Variants in RASEF observed in about 807,000 individuals in gnomAD.
The protein encoded by RASEF is ras and EF-hand domain-containing protein.
Under a neutral mutation model 90.1 loss-of-function variants are expected in RASEF, and 68 were observed. That is an observed-to-expected ratio of 0.75 (90% CI 0.62 to 0.92). The LOEUF (loss-of-function observed/expected upper bound fraction) is 0.92. Among genes scored for constraint, RASEF ranks in the 40% least tolerant of loss-of-function variants. The pLI is 0.00. For synonymous variants in RASEF, 331 were observed against 345.2 expected (o/e 0.96, Z 0.46); for missense variants, 949 against 937.2 (o/e 1.01, Z -0.16).
intron 4 of RASEF, among the ~76,000 whole-genome samples, 168 bp from the exon 5 acceptor site, chr9:83,012,679 A>G (rs1004742170): frequency 6.6e-6 from 1 of 152,214 alleles, no homozygotes; most frequent in African/African-American, 2.4e-5. Context: ...AGGATTTGAA[A>G]TTTTGTTCTA....
the RASEF span, among the ~76,000 whole-genome samples, chr9:83,081,096 G>T: frequency 6.6e-6 from 1 of 152,160 alleles, no homozygotes; most frequent in South Asian, 2.1e-4. Flanking sequence ...TCCTCAGGCA[G>T]GTGCTATCAT....
At chr9:83,156,672 C>A in the RASEF span, among the ~76,000 whole-genome samples, 1 of 152,220 alleles carries the variant, frequency 6.6e-6, no homozygotes, top group Admixed American at 6.5e-5. Context: ...AATCATCCAT[C>A]CCAGTTTATC....
the RASEF span, among the ~76,000 whole-genome samples, chr9:83,104,907 G>A: frequency 6.6e-6 from 1 of 152,196 alleles, no homozygotes; most frequent in Non-Finnish European, 1.5e-5. Context: ...CAGGGCCAGT[G>A]TGCTTTAAAC....
the RASEF span, chr9:83,201,336 G>A: frequency 4.6e-5 from 7 of 152,178 alleles, no homozygotes; most frequent in Non-Finnish European, 8.8e-5. Context: ...TTAGCAGTGG[G>A]GAAAGCATAT....
the RASEF span, among the ~76,000 whole-genome samples, chr9:83,124,718 A>G: frequency 6.6e-6 from 1 of 152,142 alleles, no homozygotes; most frequent in African/African-American, 2.4e-5. Flanking sequence ...AGAGAAACAA[A>G]CTCAATGATT....
chr9:83,189,247 T>C, the RASEF span, among the ~76,000 whole-genome samples: 1 of 152,196 alleles, frequency 6.6e-6, no homozygotes, highest in Non-Finnish European at 1.5e-5. Flanking sequence ...CTTTCCCCAC[T>C]TTTGCTCGGC....
the RASEF span, among the ~76,000 whole-genome samples, chr9:83,124,311 C>A: frequency 2.0e-5 from 3 of 152,240 alleles, no homozygotes; most frequent in Admixed American, 6.5e-5. Flanking sequence ...GGGTATTACA[C>A]CCAGAAGTAG....
At chr9:83,177,125 G>A in the RASEF span, among the ~76,000 whole-genome samples, 1 of 152,120 alleles carries the variant, frequency 6.6e-6, no homozygotes, top group African/African-American at 2.4e-5. Flanking sequence ...TTGTAAAGTT[G>A]CTTTTTAAAT....
chr9:83,156,574 G>A, the RASEF span, among the ~76,000 whole-genome samples: 27 of 152,228 alleles, frequency 1.8e-4, no homozygotes, highest in African/African-American at 5.8e-4. Context: ...TCCAAAATTT[G>A]TAGATCTGGA....
intron 1 of RASEF, among the ~76,000 whole-genome samples, chr9:83,045,216 G>T (rs1829907360): frequency 6.6e-6 from 1 of 151,908 alleles, no homozygotes; most frequent in Non-Finnish European, 1.5e-5. Context: ...CATCTTATTG[G>T]TTCTGTTTCT....
At chr9:83,127,016 G>T in the RASEF span, among the ~76,000 whole-genome samples, 73 of 152,212 alleles carry the variant, frequency 4.8e-4, no homozygotes, top group Admixed American at 9.8e-4. Flanking sequence ...ATATTTGTAA[G>T]TGAATAAAAT....
intron 1 of RASEF, among the ~76,000 whole-genome samples, chr9:83,030,895 C>T (rs144589856): frequency 2.6e-5 from 4 of 152,274 alleles, no homozygotes; most frequent in Admixed American, 2.6e-4. Context: ...TTTCCACCTT[C>T]TCCTTCTTTC....
chr9:83,025,098 G>T (rs1054201335), intron 2 of RASEF, among the ~76,000 whole-genome samples: 107 of 152,040 alleles, frequency 7.0e-4, no homozygotes, highest in African/African-American at 2.5e-3. Flanking sequence ...CATATAAATT[G>T]TTTTTTTTGC....
intron 16 of RASEF, among the ~76,000 whole-genome samples, chr9:82,985,253 T>C (rs555917230): frequency 1.3e-5 from 2 of 152,030 alleles, no homozygotes; most frequent in Non-Finnish European, 2.9e-5. Flanking sequence ...CTCAGAATCA[T>C]GGGGGGAGGC....
the RASEF span, among the ~76,000 whole-genome samples, chr9:83,113,714 G>C: frequency 6.6e-6 from 1 of 152,266 alleles, no homozygotes; most frequent in East Asian, 1.9e-4. Flanking sequence ...AGTAGCCTCA[G>C]GCTTACTAGG....
chr9:82,987,714 A>AGTGGAGTACAGACTGTC (rs1828733802), intron 16 of RASEF, among the ~76,000 whole-genome samples: 1 of 152,234 alleles, frequency 6.6e-6, no homozygotes, highest in Non-Finnish European at 1.5e-5. Context: ...TAAGATATTC[A>AGTGGAGTACAGACTGTC]GTGGAGTACA....
At chr9:83,022,076 C>G (rs966520824) in intron 3 of RASEF, among the ~76,000 whole-genome samples, 1 of 152,122 alleles carries the variant, frequency 6.6e-6, no homozygotes, top group Non-Finnish European at 1.5e-5. Context: ...GCAGCCTCCT[C>G]CCCCAGTCAC....
At chr9:83,159,865 T>C in the RASEF span, among the ~76,000 whole-genome samples, 2 of 152,180 alleles carry the variant, frequency 1.3e-5, no homozygotes, top group African/African-American at 4.8e-5. Context: ...GATTGAATTA[T>C]GGAGGCAAGT....
chr9:83,150,360 G>A, the RASEF span, among the ~76,000 whole-genome samples: 5 of 152,048 alleles, frequency 3.3e-5, no homozygotes, highest in African/African-American at 1.2e-4. Context: ...TCAAAGTTTG[G>A]TCTTTCTGAC....
Sources: gnomAD v4.1 joint callset for allele counts (sites outside exome capture counted in the v4.1 genomes callset) on GRCh38, gnomAD v4.1.1 for gene constraint, MANE v1.5 for transcripts, NCBI Gene and HGNC (gene_info 2026-07-23, HGNC 2026-07-21) for gene names.